The following TBC1D31 variants were observed in gnomAD, a reference collection of about 807,000 sequenced individuals.
TBC1D31 encodes WD repeat domain 67.
In TBC1D31, 99 loss-of-function variants were observed where a neutral mutation model predicts 132.9. The observed-to-expected ratio is 0.74, with a 90% confidence interval of 0.63 to 0.88. The LOEUF (loss-of-function observed/expected upper bound fraction) is 0.88, where lower values mean the gene tolerates loss of function less well. TBC1D31 is among the 40% of genes least tolerant of loss of function. The pLI, the probability that TBC1D31 is intolerant of heterozygous loss-of-function variation, is 0.00. For missense variants in TBC1D31, 1,134 were observed against 1,256.6 expected, an observed-to-expected ratio of 0.90 and a Z score of 1.48; for synonymous variants, 385 against 419.4, an observed-to-expected ratio of 0.92 and a Z score of 1.00.
intron 10 of TBC1D31, among the ~76,000 whole-genome samples, chr8:123,112,257 T>C (rs1456989321): frequency 6.6e-6 from 1 of 152,244 alleles, no homozygotes; most frequent in Non-Finnish European, 1.5e-5. Context: ...GTTTCATTTG[T>C]TTTCAGTTTT....
At chr8:123,127,988 G>GAA in intron 13 of TBC1D31, 3 of 199,414 alleles carry the variant, frequency 1.5e-5, no homozygotes, top group Non-Finnish European at 3.0e-5. Context: ...GGATTTTGAA[G>GAA]AAAAAAAAAA....
intron 13 of TBC1D31, among the ~76,000 whole-genome samples, chr8:123,127,592 G>T (rs1408638723): frequency 6.6e-6 from 1 of 152,028 alleles, no homozygotes; most frequent in Non-Finnish European, 1.5e-5. Context: ...TTTTATAAAG[G>T]ATGTTTAACA....
At chr8:123,156,303 T>C (rs1394829552), downstream of TBC1D31, among the ~76,000 whole-genome samples, 1 of 151,946 alleles carries the variant, frequency 6.6e-6, no homozygotes, top group African/African-American at 2.4e-5. Flanking sequence ...TAGCCGAGTG[T>C]AGTGGTACGT....
intron 7 of TBC1D31, among the ~76,000 whole-genome samples, chr8:123,101,471 A>G (rs1450583408): frequency 6.6e-6 from 1 of 152,122 alleles, no homozygotes; most frequent in African/African-American, 2.4e-5. Flanking sequence ...CTGGAGTGCA[A>G]TGGTGCGATC....
Position 123,102,005 on chromosome 8 carries a change from C to T in TBC1D31, c.1032+998C>T, listed in dbSNP as rs78477109. ...TCTCTAATCTTGTCTACCTGTCTAA[C>T]TTATTTCCTCGAACTTATAGCTTCC... On this transcript the variant is annotated intron_variant, in intron 7 of 21. Coordinates refer to ENST00000287380, the MANE Select transcript of TBC1D31 (RefSeq NM_145647.4). Among the ~76,000 whole-genome samples the T allele has an allele frequency of 2.6e-5, 4 of 152,288 alleles. No individual in the cohort carries two copies. In the East Asian group the frequency reaches 7.7e-4, roughly 29 times the overall value.
chr8:123,160,057 T>C, the TBC1D31 span, among the ~76,000 whole-genome samples: 3 of 152,224 alleles, frequency 2.0e-5, no homozygotes, highest in Non-Finnish European at 4.4e-5. Context: ...AAGTCCATCT[T>C]GACTCAGATT....
chr8:123,093,812 A>G, intron 5 of TBC1D31, 70 bp downstream of exon 5: 1 of 1,138,460 alleles, frequency 8.8e-7, no homozygotes, highest in East Asian at 2.8e-5. Flanking sequence ...ACAAATTTTC[A>G]TTTAGTTTTT....
chr8:123,124,304 CTT>C (rs938239958), intron 11 of TBC1D31, among the ~76,000 whole-genome samples: 2 of 152,188 alleles, frequency 1.3e-5, no homozygotes, highest in African/African-American at 4.8e-5. Flanking sequence ...ACTAGAGTCT[CTT>C]TTATGACCAG....
intron 2 of TBC1D31, among the ~76,000 whole-genome samples, chr8:123,082,324 A>G (rs1335979238): frequency 6.6e-6 from 1 of 151,942 alleles, no homozygotes; most frequent in African/African-American, 2.4e-5. Flanking sequence ...TGTTGAATCC[A>G]TACCGAACCT....
intron 1 of TBC1D31, among the ~76,000 whole-genome samples, chr8:123,076,152 T>C (rs1254262431): frequency 6.6e-6 from 1 of 152,062 alleles, no homozygotes; most frequent in Non-Finnish European, 1.5e-5. Context: ...CAGGCAGGAG[T>C]GCGGTGGCAT....
At chr8:123,111,101 TC>T (rs1236975590) in intron 10 of TBC1D31, among the ~76,000 whole-genome samples, 3 of 151,026 alleles carry the variant, frequency 2.0e-5, no homozygotes, top group South Asian at 4.2e-4. Flanking sequence ...GTTTTTTTTT[TC>T]CCCCCTTTGG....
the TBC1D31 span, among the ~76,000 whole-genome samples, chr8:123,159,544 C>A: frequency 6.6e-6 from 1 of 152,198 alleles, no homozygotes; most frequent in African/African-American, 2.4e-5. Flanking sequence ...GTAATCCCAG[C>A]ATTTTGGGAG....
At chr8:123,156,968 C>T (rs548641856), downstream of TBC1D31, among the ~76,000 whole-genome samples, 1 of 152,328 alleles carries the variant, frequency 6.6e-6, no homozygotes, top group African/African-American at 2.4e-5. Context: ...CCCGCGACGG[C>T]CAGTGCCCAA....
At chr8:123,075,744 CA>C (rs1814444174) in intron 1 of TBC1D31, among the ~76,000 whole-genome samples, 1 of 151,622 alleles carries the variant, frequency 6.6e-6, no homozygotes, top group African/African-American at 2.4e-5. Flanking sequence ...TATGAAAAAT[CA>C]ATTAAGATAA....
chr8:123,082,145 G>A (rs561240271), intron 2 of TBC1D31, among the ~76,000 whole-genome samples: 2 of 152,140 alleles, frequency 1.3e-5, no homozygotes, highest in South Asian at 4.2e-4. Flanking sequence ...TTCCTCTTTT[G>A]CCTAAGTTCA....
At chr8:123,157,440 TC>T in the TBC1D31 span, among the ~76,000 whole-genome samples, 1 of 152,146 alleles carries the variant, frequency 6.6e-6, no homozygotes, top group Non-Finnish European at 1.5e-5. Flanking sequence ...CCTGCCCCTG[TC>T]CCGTTTGTCA....
Position 123,126,652 on chromosome 8 carries a change from C to A in TBC1D31, c.1849C>A (p.Pro617Thr). The change falls in exon 13 of 22, where the codon CCT (proline) becomes ACT (threonine). Residue 617 changes from proline to threonine, a missense_variant. By Grantham distance (38) the Pro-to-Thr change is conservative. Coordinates refer to ENST00000287380, the MANE Select transcript of TBC1D31 (RefSeq NM_145647.4). ...VVAYNICSRT[P>T]LLSCNLKDDF... ...AGCCTACAACATATGTTCTAGAACG[C>A]CTCTGCTCAGCTGTAATCTTAAAGA... 2 of 1,613,640 alleles carry A rather than the reference C, an allele frequency of 1.2e-6. No individual in the cohort carries two copies. The highest frequency in any genetic ancestry group is 2.2e-5 in the South Asian group (2 of 90,952).
intron 15 of TBC1D31, among the ~76,000 whole-genome samples, chr8:123,129,656 A>C (rs1376060389): frequency 2.0e-5 from 3 of 152,162 alleles, no homozygotes; most frequent in Non-Finnish European, 4.4e-5. Flanking sequence ...GGACAGGGGA[A>C]TGAGTATTAA....
rs373169535 is a variant in TBC1D31, at chr8:123,128,447, T to C, written c.2051T>C (p.Ile684Thr). The change falls in exon 14 of 22, where the codon ATT (isoleucine) becomes ACT (threonine). Residue 684 changes from isoleucine (I) to threonine (T), a missense_variant. Coordinates refer to ENST00000287380, the MANE Select transcript of TBC1D31 (RefSeq NM_145647.4). Reference protein sequence around the residue: ...YPVFNQYPKFIVDYQTQERER... With the variant: ...YPVFNQYPKFTVDYQTQERER... Reference sequence around the variant, plus strand: ...GTATTTAATCAATATCCAAAGTTTATTGTGGACTATCAAACACAGGAACGA... The same window carrying C: ...GTATTTAATCAATATCCAAAGTTTACTGTGGACTATCAAACACAGGAACGA... 10 of 1,613,898 alleles carry C rather than the reference T, an allele frequency of 6.2e-6. No individual in the cohort carries two copies. In the African/African-American group the frequency reaches 1.1e-4, roughly 17 times the overall value.
Sources: gnomAD v4.1 joint callset for allele counts (sites outside exome capture counted in the v4.1 genomes callset) on GRCh38, gnomAD v4.1.1 for gene constraint, MANE v1.5 for transcripts, NCBI Gene and HGNC (gene_info 2026-07-23, HGNC 2026-07-21) for gene names.